Variants in RO60 observed in about 807,000 individuals in gnomAD.
The protein encoded by RO60 is Ro60, Y RNA binding protein.
RO60 carries 20 observed loss-of-function variants against 55.3 expected under a neutral mutation model. The observed-to-expected ratio is 0.36, with a 90% CI of 0.25 to 0.53. RO60 has a LOEUF of 0.53. Ranked by LOEUF, RO60 falls within the 20% of genes least tolerant of loss-of-function variation. RO60 has a pLI of 0.92. For synonymous variants in RO60, 213 were observed against 213.6 expected, an observed-to-expected ratio of 1.00 and a Z score of 0.02; for missense variants, 558 against 646.6, an observed-to-expected ratio of 0.86 and a Z score of 1.49.
At chr1:193,091,403 T>C (rs1338957119), downstream of RO60, 2 of 355,844 alleles carry the variant, frequency 5.6e-6, no homozygotes, top group African/African-American at 2.1e-5. Context: ...TTATGTAAAA[T>C]CTGATTTAAG....
Position 193,090,611 on chromosome 1 carries a change from A to G in RO60, c.*5880A>G, listed in dbSNP as rs958270263. On this transcript the variant is annotated 3_prime_UTR_variant, in exon 9 of 9. Coordinates refer to ENST00000400968, the MANE Select transcript of RO60 (RefSeq NM_001173524.2). Reference sequence around the variant, plus strand: ...GAGTGGGGTATTATAATCTAGTTCTAAACTGTCCATTTGCTTTATATAAAG... The same window carrying G: ...GAGTGGGGTATTATAATCTAGTTCTGAACTGTCCATTTGCTTTATATAAAG... 2 of 151,984 alleles carry G rather than the reference A, an allele frequency of 1.3e-5. No individual in the cohort carries two copies. The highest frequency in any genetic ancestry group is 1.3e-4 in the Admixed American group (2 of 15,246). The allele number at this position is 151,984 out of a possible 1,614,324, so 9.4% of individuals were successfully genotyped here. A position where few individuals can be genotyped will look rare whatever the true frequency, so the allele number is the denominator to read the frequency against.
chr1:193,066,598 TC>T (rs1260324236), intron 1 of RO60, among the ~76,000 whole-genome samples: 1 of 152,242 alleles, frequency 6.6e-6, no homozygotes, highest in Non-Finnish European at 1.5e-5. Flanking sequence ...CTGTCGGTTT[TC>T]TTCAACTCTG....
chr1:193,088,162 C>CTTTTTTTTTTTT lies in RO60; in HGVS notation c.*3451_*3462dup, dbSNP rs145943712. On this transcript the variant is annotated 3_prime_UTR_variant, in exon 9 of 9. Transcript: ENST00000400968. ...GGTGTGCACTGCACTACCACGCCTG[C>CTTTTTTTTTTTT]TTTTTTTTTTTTTTTTTTTTTTTTT... 1.6e-4 allele frequency: 7 copies of CTTTTTTTTTTTT among 44,394 alleles called. No individual in the cohort carries two copies. Among genetic ancestry groups the CTTTTTTTTTTTT allele is most frequent in the African/African-American group, 8.0e-4 (7 of 8,736 alleles). The allele number at this position is 44,394 out of a possible 1,614,324, so 2.8% of individuals were successfully genotyped here. A position where few individuals can be genotyped will look rare whatever the true frequency, so the allele number is the denominator to read the frequency against.
chr1:193,077,168 T>C, intron 5 of RO60, 118 bp downstream of exon 5: 1 of 1,020,670 alleles, frequency 9.8e-7, no homozygotes, highest in Non-Finnish European at 1.4e-6. Context: ...ATTCATTTGT[T>C]TTTCTTTAGT....
At chr1:193,082,745 A>G in intron 8 of RO60, 37 bp downstream of exon 8, 1 of 1,533,308 alleles carries the variant, frequency 6.5e-7, no homozygotes. Flanking sequence ...CACCCAAATA[A>G]TATTATTTTA....
Position 193,084,611 on chromosome 1 carries a change from T to A in RO60, c.1497T>A (p.Cys499Ter). 6.2e-7 allele frequency: 1 copy of A among 1,613,574 alleles called. No homozygotes were observed. The highest frequency in any genetic ancestry group is 8.5e-7 in the Non-Finnish European group (1 of 1,179,786). Reference protein sequence around the residue: ...KMDIPAKLIVCGMTSNGFTIA... With the variant: ...KMDIPAKLIV ...ATATTCCAGCTAAATTGATTGTTTG[T>A]GGAATGACATCAAATGGTTTCACCA... Residue 499 changes from cysteine to a stop codon, truncating the protein, a stop_gained, in exon 9 of 9, where the codon TGT becomes TGA. Transcript: ENST00000400968. LOFTEE classifies it high-confidence loss of function.
intron 8 of RO60, among the ~76,000 whole-genome samples, 169 bp downstream of exon 8, chr1:193,082,877 A>C: frequency 6.7e-6 from 1 of 149,632 alleles, no homozygotes; most frequent in South Asian, 2.1e-4. Flanking sequence ...TGATTCTCCC[A>C]CCACAGCCTC....
Position 193,091,113 on chromosome 1 carries a change from T to A in RO60, c.*6382T>A, listed in dbSNP as rs2103093486. The A allele has an allele frequency of 6.6e-6, 1 of 152,472 alleles. No individual in the cohort carries two copies. Among genetic ancestry groups the A allele is most frequent in the Admixed American group, 6.5e-5 (1 of 15,306 alleles). The allele number at this position is 152,472 out of a possible 1,614,324, so 9.4% of individuals were successfully genotyped here. A position where few individuals can be genotyped will look rare whatever the true frequency, so the allele number is the denominator to read the frequency against. ...GATATCCAAGGACCAAGTTGCATAT[T>A]TAACATCGAATGAAAATGTAGTTGT... On this transcript the variant is annotated 3_prime_UTR_variant, in exon 9 of 9. Coordinates refer to ENST00000400968, the MANE Select transcript of RO60 (RefSeq NM_001173524.2).
At chr1:193,080,376 G>A (rs769804309) in intron 5 of RO60, among the ~76,000 whole-genome samples, 3 of 152,106 alleles carry the variant, frequency 2.0e-5, no homozygotes, top group African/African-American at 4.8e-5. Flanking sequence ...AAGGTTAAAC[G>A]TAGAATTACC....
Position 193,086,167 on chromosome 1 carries a change from G to A in RO60, c.*1436G>A. 1 of 392,246 alleles carries A rather than the reference G, an allele frequency of 2.5e-6. No individual in the cohort carries two copies. Among genetic ancestry groups the A allele is most frequent in the Non-Finnish European group, 3.5e-6 (1 of 288,212 alleles). The allele number at this position is 392,246 out of a possible 1,614,324, so 24.3% of individuals were successfully genotyped here. ...AAATTATAGCCTTTTAGGTGCTTGG[G>A]GGTTAGAGGGTTTATGTTTTTTGGG... On this transcript the variant is annotated 3_prime_UTR_variant, in exon 9 of 9. Coordinates refer to ENST00000400968, the MANE Select transcript of RO60 (RefSeq NM_001173524.2).
At chr1:193,081,173 TA>T (rs1210202796) in intron 5 of RO60, among the ~76,000 whole-genome samples, 190 bp from the exon 6 acceptor site, 10 of 152,024 alleles carry the variant, frequency 6.6e-5, no homozygotes, top group African/African-American at 1.2e-4. Flanking sequence ...GTATTTTTAT[TA>T]TTTTTTTTTA....
chr1:193,076,141 AAG>A (rs1481000698), intron 3 of RO60, 101 bp downstream of exon 3: 2 of 689,184 alleles, frequency 2.9e-6, no homozygotes, highest in African/African-American at 3.8e-5. Flanking sequence ...TACTTTTAAA[AAG>A]AAATTATTTA....
At chr1:193,078,973 C>T (rs1379201953) in intron 5 of RO60, among the ~76,000 whole-genome samples, 1 of 151,466 alleles carries the variant, frequency 6.6e-6, no homozygotes, top group East Asian at 1.9e-4. Context: ...CTTTCAGTTA[C>T]TACAAAGCTG....
Position 193,085,072 on chromosome 1 carries a change from T to C in RO60, c.*341T>C. 6.6e-7 allele frequency: 1 copy of C among 1,506,642 alleles called. No individual in the cohort carries two copies. The allele number at this position is 1,506,642 out of a possible 1,614,324, so 93.3% of individuals were successfully genotyped here. On this transcript the variant is annotated 3_prime_UTR_variant, in exon 9 of 9. Coordinates refer to ENST00000400968, the MANE Select transcript of RO60 (RefSeq NM_001173524.2). ...GCAAAAAGTGTAATTCCACATCATG[T>C]TACTTGAGAAGTGCTTAACGTTTTC...
intron 2 of RO60, among the ~76,000 whole-genome samples, chr1:193,071,035 G>C (rs541174010): frequency 6.6e-6 from 1 of 152,290 alleles, no homozygotes; most frequent in South Asian, 2.1e-4. Context: ...CGCAGGCAGT[G>C]GGGAGGGCAG....
At position 193,084,798 on chromosome 1, in the gene RO60, T is replaced by C; in HGVS notation, c.*67T>C. 6.4e-7 allele frequency: 1 copy of C among 1,564,078 alleles called. No homozygotes were observed. The stretch of plus-strand genomic sequence containing the variant: ...GATCTCACTAAAAATATACAGCTAC[T>C]TCCCAGCTAATCTCCACCCAATGAA... On this transcript the variant is annotated 3_prime_UTR_variant, in exon 9 of 9. Transcript: ENST00000400968.
intron 5 of RO60, among the ~76,000 whole-genome samples, chr1:193,077,472 C>A (rs1674003827): frequency 6.6e-6 from 1 of 152,144 alleles, no homozygotes. Flanking sequence ...GGGAAGCAAA[C>A]ACGTCCTTCT....
chr1:193,078,102 T>C (rs990418685), intron 5 of RO60, among the ~76,000 whole-genome samples: 2 of 152,112 alleles, frequency 1.3e-5, no homozygotes, highest in South Asian at 2.1e-4. Flanking sequence ...GTACAACATA[T>C]GACAACCAAT....
chr1:193,078,158 T>A (rs1011913096), intron 5 of RO60, among the ~76,000 whole-genome samples: 5 of 152,172 alleles, frequency 3.3e-5, no homozygotes, highest in African/African-American at 1.2e-4. Context: ...AAAAACCACA[T>A]AATCATCTTA....
Sources: allele counts gnomAD v4.1 joint callset (sites outside exome capture counted in the v4.1 genomes callset), GRCh38; gene constraint gnomAD v4.1.1; transcripts MANE v1.5; gene names NCBI Gene and HGNC (gene_info 2026-07-23, HGNC 2026-07-21).